KLHL11: variants seen among roughly 807,000 people sequenced by gnomAD.
KLHL11 encodes the protein kelch like family member 11, also known as kelch-like protein 11.
KLHL11 carries 26 observed loss-of-function variants against 56.1 expected under a neutral mutation model. The observed-to-expected ratio is 0.46, with a 90% CI of 0.34 to 0.64. KLHL11 has a LOEUF of 0.64. KLHL11 is among the 30% of genes least tolerant of loss of function. The pLI is 0.01. For missense variants in KLHL11, 627 were observed against 919.4 expected (o/e 0.68, Z 4.11); for synonymous variants, 338 against 345.8 (o/e 0.98, Z 0.25).
chr17:41,857,686 G>C (rs2048374738), intron 1 of KLHL11, among the ~76,000 whole-genome samples: 1 of 151,980 alleles, frequency 6.6e-6, no homozygotes, highest in Non-Finnish European at 1.5e-5. Flanking sequence ...TTGCTATGCT[G>C]CAGTGGCTGT....
chr17:41,858,224 T>C (rs1464416292), intron 1 of KLHL11, among the ~76,000 whole-genome samples: 1 of 119,638 alleles, frequency 8.4e-6, no homozygotes, highest in Non-Finnish European at 1.9e-5. Flanking sequence ...GCCTCTTTTT[T>C]TTTTTTTTTT....
rs1297312380 is a variant in KLHL11, at chr17:41,849,276, CTT to C, written c.*4462_*4463del. On this transcript the variant is annotated 3_prime_UTR_variant, in exon 2 of 2. Coordinates refer to ENST00000319121, the MANE Select transcript of KLHL11 (RefSeq NM_018143.3). ...ATGTGGCCCGTATACTATATTTAAA[CTT>C]AATTTGAGAAAAGTATCAAAAAAGA... 2.6e-5 allele frequency: 4 copies of C among 152,168 alleles called. No individual in the cohort carries two copies. The highest frequency in any genetic ancestry group is 5.9e-5 in the Non-Finnish European group (4 of 68,032). 9.4% of individuals were successfully genotyped at this position (152,168 alleles called of 1,614,324 possible). A position where few individuals can be genotyped will look rare whatever the true frequency, so the allele number is the denominator to read the frequency against.
rs1555622283 is a variant in KLHL11, at chr17:41,854,312, C to T, written c.1555G>A (p.Gly519Arg). The change falls in exon 2 of 2, where the codon GGA becomes AGA. Residue 519 changes from glycine (G) to arginine (R), a missense_variant. Gly to Arg is a moderately radical substitution (Grantham distance 125). Around this residue, in one of 4 missense-constraint regions of KLHL11, gnomAD observed 250 missense variants for 360.6 expected, o/e 0.69. Transcript: ENST00000319121. The surrounding 1 kb of genome is among the most constrained non-coding windows in gnomAD (Gnocchi z 4.9). ...RTPVDRDTED[G>R]LKAVITCYDT... is the part of the protein sequence containing the mutation. ...TAGCAAGTAATTACAGCCTTTAATC[C>T]ATCTTCAGTGTCCCGGTCTACAGGA... is the stretch of plus-strand genomic sequence containing the variant. The T allele has an allele frequency of 6.2e-7, 1 of 1,614,130 alleles. No individual in the cohort carries two copies. The highest frequency in any genetic ancestry group is 8.5e-7 in the Non-Finnish European group (1 of 1,180,002).
chr17:41,863,745 T>C (rs9747847), intron 1 of KLHL11, among the ~76,000 whole-genome samples: 3,335 of 152,276 alleles, frequency 0.022, 114 homozygotes, highest in African/African-American at 0.071. Context: ...TCAGAGCCTC[T>C]GTACCTGTGT....
chr17:41,860,310 T>C lies in KLHL11; in HGVS notation c.545+4516A>G, dbSNP rs1434591947. ...CTTGGCATCTGTCATGTGAGGGGCATTGTGCACATCCTATTATTATATTTC... is the reference window on the plus strand; with the variant it reads ...CTTGGCATCTGTCATGTGAGGGGCACTGTGCACATCCTATTATTATATTTC... On this transcript the variant is annotated intron_variant, in intron 1 of 1. Transcript: ENST00000319121. Among the ~76,000 whole-genome samples, 4 of 151,202 alleles carry C rather than the reference T, an allele frequency of 2.6e-5. No homozygotes were observed. The East Asian group carries it at 5.9e-4, about 22-fold the overall frequency.
chr17:41,864,995 G>GC lies in KLHL11; in HGVS notation c.375dup (p.Leu126AlafsTer85). 1 of 1,608,974 alleles carries GC rather than the reference G, an allele frequency of 6.2e-7. No homozygotes were observed. Among genetic ancestry groups the GC allele is most frequent in the Non-Finnish European group, 8.5e-7 (1 of 1,177,832 alleles). ...CGGGACTCGGAAAACTGGCCCGAGA[G>GC]CAGGGGCGTGAAGTACTCGGTGGCG... On this transcript the variant is annotated frameshift_variant, in exon 1 of 2. Coordinates refer to ENST00000319121, the MANE Select transcript of KLHL11 (RefSeq NM_018143.3). LOFTEE classifies it high-confidence loss of function.
rs1384693766 is a variant in KLHL11, at chr17:41,853,258, T to G, written c.*482A>C. Among the ~76,000 whole-genome samples, 2 of 152,228 alleles carry G rather than the reference T, an allele frequency of 1.3e-5. No homozygotes were observed. Among genetic ancestry groups the G allele is most frequent in the African/African-American group, 4.8e-5 (2 of 41,458 alleles). ...TATCTTGCTGAAATATTGAGTGTTT[T>G]CATTCAAATTTCAGTCTCACTATTG... On this transcript the variant is annotated 3_prime_UTR_variant, in exon 2 of 2. Transcript: ENST00000319121.
chr17:41,849,428 C>T lies in KLHL11; in HGVS notation c.*4312G>A, dbSNP rs797040801. 2.6e-5 allele frequency: 4 copies of T among 152,152 alleles called. No individual in the cohort carries two copies. Among genetic ancestry groups the T allele is most frequent in the South Asian group, 2.1e-4 (1 of 4,824 alleles). The allele number at this position is 152,152 out of a possible 1,614,324, so 9.4% of individuals were successfully genotyped here. On this transcript the variant is annotated 3_prime_UTR_variant, in exon 2 of 2. Coordinates refer to ENST00000319121, the MANE Select transcript of KLHL11 (RefSeq NM_018143.3). Reference sequence around the variant, plus strand: ...AGAAAATGAAATATTTTAAACATACCACATGCTACACTAGTCAAGAGGTAA... The same window carrying T: ...AGAAAATGAAATATTTTAAACATACTACATGCTACACTAGTCAAGAGGTAA...
At chr17:41,858,142 T>A (rs2048377879) in intron 1 of KLHL11, among the ~76,000 whole-genome samples, 1 of 151,712 alleles carries the variant, frequency 6.6e-6, no homozygotes. Flanking sequence ...CACTTTAATT[T>A]GTCCTTGGCA....
rs781882433 is a variant in KLHL11, at chr17:41,864,918, G to C, written c.453C>G (p.Pro151=). The C allele has an allele frequency of 2.5e-6, 4 of 1,610,588 alleles. No homozygotes were observed. The highest frequency in any genetic ancestry group is 1.3e-5 in the African/African-American group (1 of 74,728). The change falls in exon 1 of 2, where the codon CCC becomes CCG. Residue 151 remains proline, a synonymous_variant. Transcript: ENST00000319121. Reference sequence around the variant, plus strand: ...ACTCGATTACGGCTTCCACTGTGTCGGGTTCGGGCCCCGGCTCGGAGCTCC... The same window carrying C: ...ACTCGATTACGGCTTCCACTGTGTCCGGTTCGGGCCCCGGCTCGGAGCTCC... ...RKWSSEPGPE[P]DTVEAVIEYM...
intron 1 of KLHL11, among the ~76,000 whole-genome samples, chr17:41,855,758 G>A (rs1423471613): frequency 2.1e-5 from 3 of 140,544 alleles, no homozygotes; most frequent in Non-Finnish European, 4.6e-5. Flanking sequence ...GGCAACCTCC[G>A]TCTCCCAGGC....
rs2048350123 is a variant in KLHL11 at position 41,854,214 on chromosome 17, C to T, written c.1653G>A (p.Met551Ile). The change falls in exon 2 of 2, where the codon ATG becomes ATA. Residue 551 changes from methionine (M) to isoleucine (I), a missense_variant. Around this residue, in one of 4 missense-constraint regions of KLHL11, gnomAD observed 250 missense variants for 360.6 expected, o/e 0.69. Coordinates refer to ENST00000319121, the MANE Select transcript of KLHL11 (RefSeq NM_018143.3). The surrounding 1 kb of genome is among the most constrained non-coding windows in gnomAD (Gnocchi z 4.9). ...PLIDNYCFFQ[M>I]SVVNSNFYQT... Reference sequence around the variant, plus strand: ...GATAAAAGTTTGAATTGACCACAGACATTTGGAAAAAGCAGTAATTGTCAA... The same window carrying T: ...GATAAAAGTTTGAATTGACCACAGATATTTGGAAAAAGCAGTAATTGTCAA... 6.2e-7 allele frequency: 1 copy of T among 1,614,064 alleles called. No individual in the cohort carries two copies. Among genetic ancestry groups the T allele is most frequent in the Non-Finnish European group, 8.5e-7 (1 of 1,180,032 alleles).
chr17:41,858,218 CTT>C (rs1174225045), intron 1 of KLHL11, among the ~76,000 whole-genome samples: 3 of 116,404 alleles, frequency 2.6e-5, no homozygotes, highest in Non-Finnish European at 3.5e-5. Context: ...TCACCAGCCT[CTT>C]TTTTTTTTTT....
chr17:41,858,410 T>G (rs1191027160), intron 1 of KLHL11, among the ~76,000 whole-genome samples: 1 of 61,942 alleles, frequency 1.6e-5, no homozygotes, highest in South Asian at 6.3e-4. Flanking sequence ...ATATATTTTT[T>G]GTTGTTGTTG....
In KLHL11 at chr17:41,855,104, C is replaced by T. The variant is rs2144153553; in HGVS notation, c.763G>A (p.Asp255Asn). 1.2e-6 allele frequency: 2 copies of T among 1,614,168 alleles called. No homozygotes were observed. The highest frequency in any genetic ancestry group is 1.6e-4 in the Middle Eastern group (1 of 6,062). The change falls in exon 2 of 2, where the codon GAT becomes AAT. Residue 255 changes from aspartate to asparagine, a missense_variant. This residue lies in a region of KLHL11 where 106 missense variants were observed against 227.0 expected (regional missense o/e 0.47). Transcript: ENST00000319121. ...PFHLIRDWLS[D>N]LEITVDSEEV... is the part of the protein sequence containing the mutation. The stretch of plus-strand genomic sequence containing the variant: ...TCAGAATCAACTGTAATTTCCAAAT[C>T]TGAAAGCCAGTCTCTAATGAGATGG...
At position 41,849,751 on chromosome 17, in the gene KLHL11, T is replaced by C. The variant is rs1457427978; in HGVS notation, c.*3989A>G. 2 of 152,126 alleles carry C rather than the reference T, an allele frequency of 1.3e-5. No homozygotes were observed. Among genetic ancestry groups the C allele is most frequent in the East Asian group, 1.9e-4 (1 of 5,192 alleles). The allele number at this position is 152,126 out of a possible 1,614,324, so 9.4% of individuals were successfully genotyped here. ...GACTAATCATGCAAACAACTGTAAG[T>C]GGGATGTGTTACTTAAACACTAAGC... On this transcript the variant is annotated 3_prime_UTR_variant, in exon 2 of 2. Transcript: ENST00000319121.
In KLHL11 at chr17:41,853,439, A is replaced by G. The variant is rs1486518690; in HGVS notation, c.*301T>C. 2 of 265,052 alleles carry G rather than the reference A, an allele frequency of 7.5e-6. No individual in the cohort carries two copies. Among genetic ancestry groups the G allele is most frequent in the East Asian group, 7.1e-5 (1 of 14,162 alleles). 16.4% of individuals were successfully genotyped at this position (265,052 alleles called of 1,614,324 possible). A position where few individuals can be genotyped will look rare whatever the true frequency, so the allele number is the denominator to read the frequency against. ...CGTAAGTCCTCAAGACAAAGGAGTC[A>G]TAACTCGTTGGCAGGAAAACAGCTA... On this transcript the variant is annotated 3_prime_UTR_variant, in exon 2 of 2. Transcript: ENST00000319121.
chr17:41,861,222 T>G (rs2048400490), intron 1 of KLHL11, among the ~76,000 whole-genome samples: 1 of 152,224 alleles, frequency 6.6e-6, no homozygotes, highest in African/African-American at 2.4e-5. Context: ...TTTCCTCTCC[T>G]GGCTCTCCCA....
At position 41,865,013 on chromosome 17, in the gene KLHL11, C is replaced by CG; in HGVS notation, c.357dup (p.Glu120ArgfsTer91). ...CCCGAGAGCAGGGGCGTGAAGTACT[C>CG]GGTGGCGGCAGCCAGTACCGAGCGG... On this transcript the variant is annotated frameshift_variant, in exon 1 of 2. Coordinates refer to ENST00000319121, the MANE Select transcript of KLHL11 (RefSeq NM_018143.3). LOFTEE classifies it high-confidence loss of function. The CG allele has an allele frequency of 6.2e-7, 1 of 1,600,854 alleles. No homozygotes were observed. The highest frequency in any genetic ancestry group is 8.5e-7 in the Non-Finnish European group (1 of 1,172,918).
Sources: allele counts gnomAD v4.1 joint callset (sites outside exome capture counted in the v4.1 genomes callset), GRCh38; gene constraint gnomAD v4.1.1; regional missense constraint gnomAD v4.1.1; non-coding constraint Gnocchi (gnomAD v3.1); transcripts MANE v1.5; gene names NCBI Gene and HGNC (gene_info 2026-07-23, HGNC 2026-07-21).